LRRC3B: variants seen among roughly 807,000 people sequenced by gnomAD.
The protein encoded by LRRC3B is leucine-rich repeat-containing protein 3B.
A neutral mutation model predicts 12.8 loss-of-function variants in LRRC3B; 2 were observed. The observed-to-expected ratio is 0.16, with a 90% CI of 0.06 to 0.49. The LOEUF is 0.49. Ranked by LOEUF, LRRC3B falls within the 20% of genes least tolerant of loss-of-function variation. The probability of loss-of-function intolerance (pLI) is 0.96; values close to 1 mark genes in which losing one functional copy is unlikely to be tolerated. For missense variants in LRRC3B, 189 were observed against 319.4 expected (o/e 0.59, Z 3.11); for synonymous variants, 132 against 122.0 (o/e 1.08, Z -0.54).
intron 1 of LRRC3B, among the ~76,000 whole-genome samples, chr3:26,637,054 T>C (rs1175867999): frequency 6.6e-6 from 1 of 150,420 alleles, no homozygotes; most frequent in African/African-American, 2.5e-5. Flanking sequence ...TGGAGTGCAA[T>C]GGCGTGATCT....
chr3:26,671,350 G>GTATGTA (rs1553603719), intron 1 of LRRC3B, among the ~76,000 whole-genome samples: 7 of 56,756 alleles, frequency 1.2e-4, no homozygotes, highest in Admixed American at 2.7e-4. Flanking sequence ...ATATATGTGT[G>GTATGTA]TATATATATA....
chr3:26,662,344 T>A (rs903899454), intron 1 of LRRC3B, among the ~76,000 whole-genome samples: 2 of 152,192 alleles, frequency 1.3e-5, no homozygotes, highest in African/African-American at 4.8e-5. Context: ...TCATCTGATA[T>A]GCATGAGTAT....
chr3:26,650,886 G>T (rs1265412066), intron 1 of LRRC3B, among the ~76,000 whole-genome samples: 1 of 152,116 alleles, frequency 6.6e-6, no homozygotes, highest in Non-Finnish European at 1.5e-5. Context: ...CATGTCTCCA[G>T]CCCCTCTTGG....
intron 1 of LRRC3B, among the ~76,000 whole-genome samples, chr3:26,673,875 T>A (rs963228984): frequency 3.3e-5 from 5 of 152,218 alleles, no homozygotes; most frequent in African/African-American, 1.2e-4. Context: ...TTGAGGTTCT[T>A]CTTGAAATTG....
At chr3:26,662,222 T>G (rs1452857887) in intron 1 of LRRC3B, among the ~76,000 whole-genome samples, 1 of 152,194 alleles carries the variant, frequency 6.6e-6, no homozygotes, top group Non-Finnish European at 1.5e-5. Flanking sequence ...TTATAGTCAA[T>G]TAAATTTATT....
intron 1 of LRRC3B, among the ~76,000 whole-genome samples, chr3:26,636,134 A>T (rs372886646): frequency 6.6e-6 from 1 of 152,200 alleles, no homozygotes; most frequent in Non-Finnish European, 1.5e-5. Context: ...TTGCAATTTC[A>T]TCAAGATCTC....
chr3:26,702,871 G>A (rs776038149), intron 1 of LRRC3B, among the ~76,000 whole-genome samples: 1 of 152,084 alleles, frequency 6.6e-6, no homozygotes, highest in Non-Finnish European at 1.5e-5. Context: ...GGGAAGACAG[G>A]GTGGTCTACA....
chr3:26,667,119 GAAAAA>G (rs368094321), intron 1 of LRRC3B, among the ~76,000 whole-genome samples: 2 of 101,532 alleles, frequency 2.0e-5, no homozygotes, highest in African/African-American at 6.2e-5. Flanking sequence ...TCACTTTCAA[GAAAAA>G]AAAAAAAAAA....
chr3:26,709,315 C>T (rs114749448), intron 1 of LRRC3B, among the ~76,000 whole-genome samples, 198 bp from the exon 2 acceptor site: 2 of 152,284 alleles, frequency 1.3e-5, no homozygotes, highest in African/African-American at 4.8e-5. Context: ...TTCATATGTT[C>T]ACAGTTCTCT....
chr3:26,697,489 A>C (rs1483417987), intron 1 of LRRC3B, among the ~76,000 whole-genome samples: 1 of 152,170 alleles, frequency 6.6e-6, no homozygotes, highest in Non-Finnish European at 1.5e-5. Context: ...TTTCCATCTC[A>C]AGATCCTTAA....
At chr3:26,689,524 T>C (rs961163664) in intron 1 of LRRC3B, among the ~76,000 whole-genome samples, 2 of 152,196 alleles carry the variant, frequency 1.3e-5, no homozygotes, top group Non-Finnish European at 2.9e-5. Flanking sequence ...TAAATACTGT[T>C]GTTTCCATTT....
chr3:26,707,497 C>G (rs1326001622), intron 1 of LRRC3B, among the ~76,000 whole-genome samples: 2 of 152,170 alleles, frequency 1.3e-5, no homozygotes, highest in African/African-American at 2.4e-5. Flanking sequence ...AGCTTGTACT[C>G]TGAATAGAGA....
At chr3:26,624,609 G>C (rs1698581682) in intron 1 of LRRC3B, 1 of 152,788 alleles carries the variant, frequency 6.5e-6, no homozygotes, top group African/African-American at 2.4e-5. Flanking sequence ...CGAGGGAGTG[G>C]GGGGAGCCCT....
chr3:26,641,423 T>G (rs1699029095), intron 1 of LRRC3B, among the ~76,000 whole-genome samples: 1 of 152,166 alleles, frequency 6.6e-6, no homozygotes, highest in Non-Finnish European at 1.5e-5. Context: ...GCCTTCCAAG[T>G]GTAATTCTGC....
At chr3:26,657,755 G>A (rs1166215240) in intron 1 of LRRC3B, among the ~76,000 whole-genome samples, 12 of 152,104 alleles carry the variant, frequency 7.9e-5, no homozygotes, top group Non-Finnish European at 1.8e-4. Context: ...ATTTGACAGA[G>A]GGATGATTGT....
intron 1 of LRRC3B, among the ~76,000 whole-genome samples, chr3:26,632,231 T>A (rs959893270): frequency 6.6e-6 from 1 of 152,260 alleles, no homozygotes; most frequent in African/African-American, 2.4e-5. Flanking sequence ...TGAAGAAGGT[T>A]CCTAAGATTT....
chr3:26,623,148 C>G (rs1156360936), exon 1 of LRRC3B: 1 of 152,214 alleles, frequency 6.6e-6, no homozygotes, highest in African/African-American at 2.4e-5. Context: ...GCAGCCCTGG[C>G]AGCGGGCACA....
At chr3:26,678,094 G>A (rs2125438958) in intron 1 of LRRC3B, among the ~76,000 whole-genome samples, 1 of 152,194 alleles carries the variant, frequency 6.6e-6, no homozygotes, top group African/African-American at 2.4e-5. Context: ...TCGGTTTACA[G>A]GTGTGAGCCA....
chr3:26,652,805 C>T (rs547573038), intron 1 of LRRC3B, among the ~76,000 whole-genome samples: 53 of 152,036 alleles, frequency 3.5e-4, no homozygotes, highest in African/African-American at 1.2e-3. Flanking sequence ...ACAGTTATAA[C>T]AGCACTAATG....
Sources: gnomAD v4.1 joint callset for allele counts (sites outside exome capture counted in the v4.1 genomes callset) on GRCh38, gnomAD v4.1.1 for gene constraint, MANE v1.5 for transcripts, NCBI Gene and HGNC (gene_info 2026-07-23, HGNC 2026-07-21) for gene names.